NSMCE2: variants seen among roughly 807,000 people sequenced by gnomAD.
NSMCE2 encodes the protein E3 SUMO-protein ligase NSE2.
NSMCE2 carries 24 observed loss-of-function variants against 23.8 expected under a neutral mutation model. The observed-to-expected ratio is 1.01, with a 90% CI of 0.73 to 1.42. NSMCE2 has a LOEUF of 1.42. Ranked by LOEUF, NSMCE2 falls within the 40% of genes most tolerant of loss-of-function variation. NSMCE2 has a pLI of 0.00. For synonymous variants in NSMCE2, 92 were observed against 94.1 expected, an observed-to-expected ratio of 0.98 and a Z score of 0.13; for missense variants, 284 against 296.5, an observed-to-expected ratio of 0.96 and a Z score of 0.31.
intron 5 of NSMCE2, among the ~76,000 whole-genome samples, chr8:125,333,749 G>A (rs1358055224): frequency 1.3e-5 from 2 of 151,856 alleles, no homozygotes; most frequent in Non-Finnish European, 1.5e-5. Context: ...TCCTGACCTC[G>A]TGATCCGCCC....
chr8:125,151,631 G>T (rs558039798), intron 4 of NSMCE2, among the ~76,000 whole-genome samples: 1 of 152,158 alleles, frequency 6.6e-6, no homozygotes, highest in African/African-American at 2.4e-5. Flanking sequence ...TTGAGACCAG[G>T]TTTAGTTACT....
chr8:125,315,780 T>C (rs1057141853), intron 5 of NSMCE2, among the ~76,000 whole-genome samples: 2 of 150,032 alleles, frequency 1.3e-5, no homozygotes, highest in Admixed American at 6.8e-5. Context: ...ACCACATTGA[T>C]TTTCCTTTGT....
chr8:125,287,201 G>A (rs1031452411), intron 5 of NSMCE2, among the ~76,000 whole-genome samples: 10 of 151,954 alleles, frequency 6.6e-5, no homozygotes, highest in Admixed American at 2.0e-4. Flanking sequence ...GTGTGGTGGC[G>A]GGCACCTGTA....
chr8:125,134,722 CTTTTTTTTTTT>C (rs34284298), intron 3 of NSMCE2, among the ~76,000 whole-genome samples: 1 of 117,730 alleles, frequency 8.5e-6, no homozygotes. Flanking sequence ...TAACGGATTC[CTTTTTTTTTTT>C]TTTTTTTTTT....
chr8:125,219,430 G>A (rs1824747087), intron 5 of NSMCE2, among the ~76,000 whole-genome samples: 1 of 152,120 alleles, frequency 6.6e-6, no homozygotes, highest in African/African-American at 2.4e-5. Context: ...AGCAAAAATA[G>A]CTTAAGTGTG....
chr8:125,262,095 TCAAAA>T (rs1826716463), intron 5 of NSMCE2, among the ~76,000 whole-genome samples: 1 of 91,450 alleles, frequency 1.1e-5, no homozygotes, highest in Non-Finnish European at 2.7e-5. Flanking sequence ...AGACTCTGTC[TCAAAA>T]TAAAATAAAA....
intron 3 of NSMCE2, among the ~76,000 whole-genome samples, chr8:125,116,678 G>A (rs1203909642): frequency 6.6e-6 from 1 of 152,062 alleles, no homozygotes; most frequent in East Asian, 1.9e-4. Context: ...ACCTACTTAT[G>A]TCATTAGCAG....
chr8:125,285,178 C>T (rs1043069629), intron 5 of NSMCE2, among the ~76,000 whole-genome samples: 37 of 152,196 alleles, frequency 2.4e-4, no homozygotes, highest in Admixed American at 1.4e-3. Context: ...AAATATTTAC[C>T]TTAAGCAGTC....
At chr8:125,207,879 T>C (rs1030791104) in intron 5 of NSMCE2, among the ~76,000 whole-genome samples, 17 of 152,230 alleles carry the variant, frequency 1.1e-4, no homozygotes, top group African/African-American at 4.1e-4. Flanking sequence ...CAAGAGCCTC[T>C]AGAGCCGGAG....
At chr8:125,236,444 G>A (rs917015143) in intron 5 of NSMCE2, among the ~76,000 whole-genome samples, 4 of 151,786 alleles carry the variant, frequency 2.6e-5, no homozygotes, top group Non-Finnish European at 4.4e-5. Flanking sequence ...ATGTAAATAG[G>A]GGTCTTAATA....
At chr8:125,291,490 A>G (rs1415743890) in intron 5 of NSMCE2, among the ~76,000 whole-genome samples, 1 of 152,200 alleles carries the variant, frequency 6.6e-6, no homozygotes, top group Non-Finnish European at 1.5e-5. Flanking sequence ...TCAAGTGCAC[A>G]ATAGGAGATA....
At chr8:125,212,568 G>A (rs749901514) in intron 5 of NSMCE2, among the ~76,000 whole-genome samples, 2 of 152,172 alleles carry the variant, frequency 1.3e-5, no homozygotes, top group African/African-American at 2.4e-5. Context: ...TACGTGTTCA[G>A]TACCAAACCG....
At chr8:125,359,537 T>G (rs1056807698) in intron 7 of NSMCE2, among the ~76,000 whole-genome samples, 1 of 152,030 alleles carries the variant, frequency 6.6e-6, no homozygotes, top group Non-Finnish European at 1.5e-5. Context: ...TTCTCCATGT[T>G]GGCCAGGCTG....
chr8:125,271,656 G>A (rs78545183), intron 5 of NSMCE2, among the ~76,000 whole-genome samples: 339 of 152,316 alleles, frequency 2.2e-3, no homozygotes, highest in African/African-American at 7.7e-3. Context: ...TTGGAAGAGT[G>A]CTGAATAGGT....
chr8:125,202,732 T>G (rs915393256), intron 5 of NSMCE2, among the ~76,000 whole-genome samples: 5 of 152,210 alleles, frequency 3.3e-5, no homozygotes, highest in Non-Finnish European at 7.3e-5. Flanking sequence ...TATACTTAAA[T>G]TGTATAAGGA....
chr8:125,206,394 T>C (rs1824119846), intron 5 of NSMCE2, among the ~76,000 whole-genome samples: 1 of 152,204 alleles, frequency 6.6e-6, no homozygotes, highest in Non-Finnish European at 1.5e-5. Flanking sequence ...AGATTTGAAC[T>C]TTAGGAAAGC....
rs569538354 is a variant in NSMCE2 at position 125,115,610 on chromosome 8, G to A, written c.157+13123G>A. Among the ~76,000 whole-genome samples, 9 of 152,276 alleles carry A rather than the reference G, an allele frequency of 5.9e-5. No homozygotes were observed. The South Asian group carries it at 1.9e-3, about 32-fold the overall frequency. On this transcript the variant is annotated intron_variant, in intron 3 of 7. Transcript: ENST00000287437. ...TGCCAAAAATACAAAAATTAGCCAG[G>A]CATGGTGGCAGATGTGTGTAATCCC...
At chr8:125,301,092 C>T (rs1003671371) in intron 5 of NSMCE2, among the ~76,000 whole-genome samples, 7 of 152,188 alleles carry the variant, frequency 4.6e-5, no homozygotes, top group African/African-American at 1.7e-4. Context: ...AACTTTGAGC[C>T]ATGCCTTTTT....
chr8:125,106,926 G>A (rs979601896), intron 3 of NSMCE2, among the ~76,000 whole-genome samples: 3 of 151,466 alleles, frequency 2.0e-5, no homozygotes, highest in Admixed American at 1.3e-4. Flanking sequence ...AACCCTGGGG[G>A]CGGAGGTTGC....
Sources: allele counts gnomAD v4.1 joint callset (sites outside exome capture counted in the v4.1 genomes callset), GRCh38; gene constraint gnomAD v4.1.1; transcripts MANE v1.5; gene names NCBI Gene and HGNC (gene_info 2026-07-23, HGNC 2026-07-21).